The following ALMS1 variants were observed in gnomAD, a reference collection of about 807,000 sequenced individuals.
ALMS1 encodes ALMS1 centrosome and basal body associated protein.
A neutral mutation model predicts 352.2 loss-of-function variants in ALMS1; 271 were observed. That is an observed-to-expected ratio of 0.77 (90% CI 0.70 to 0.85). The LOEUF is 0.85. ALMS1 is among the 40% of genes least tolerant of loss of function. The pLI is 0.00. For synonymous variants in ALMS1, 1,865 were observed against 1,761.2 expected (o/e 1.06, Z -1.48); for missense variants, 5,445 against 4,870.7 (o/e 1.12, Z -3.51).
chr2:73,532,418 TG>T (rs1396744818), intron 11 of ALMS1, among the ~76,000 whole-genome samples: 1 of 152,168 alleles, frequency 6.6e-6, no homozygotes, highest in Non-Finnish European at 1.5e-5. Context: ...TTTATTCTGC[TG>T]TGGCTGAACT....
chr2:73,408,698 A>T lies in ALMS1; in HGVS notation c.401A>T (p.Asn134Ile), dbSNP rs2103675741. 3 of 1,613,680 alleles carry T rather than the reference A, an allele frequency of 1.9e-6. No individual in the cohort carries two copies. The South Asian group carries it at 3.3e-5, about 18-fold the overall frequency. ...GNSRTQISDT[N>I]VVCLETTAQR... ...AGTAGAACACAAATTTCTGATACTA[A>T]TGTGGTCTGTTTGGAAACAACAGCT... Residue 134 changes from asparagine to isoleucine, a missense_variant, in exon 2 of 23, where the codon AAT becomes ATT. Asn to Ile is a moderately radical substitution (Grantham distance 149). Transcript: ENST00000613296.
chr2:73,465,184 A>G (rs1273284678), intron 9 of ALMS1, among the ~76,000 whole-genome samples: 5 of 152,136 alleles, frequency 3.3e-5, no homozygotes, highest in African/African-American at 4.8e-5. Flanking sequence ...CGCCAAGTCA[A>G]TCCTAAGCCA....
chr2:73,396,808 C>G (rs947111558), intron 1 of ALMS1, among the ~76,000 whole-genome samples: 1 of 151,872 alleles, frequency 6.6e-6, no homozygotes, highest in Non-Finnish European at 1.5e-5. Flanking sequence ...CCACGCCTGG[C>G]TAATTTTTTG....
At chr2:73,500,157 A>G (rs1673190681) in intron 10 of ALMS1, among the ~76,000 whole-genome samples, 1 of 152,220 alleles carries the variant, frequency 6.6e-6, no homozygotes, top group African/African-American at 2.4e-5. Context: ...ATGACGTGTT[A>G]TGAAATGACA....
At position 73,449,243 on chromosome 2, in the gene ALMS1, A is replaced by G; in HGVS notation, c.2716A>G (p.Ser906Gly). The change falls in exon 8 of 23, where the codon AGT (serine) becomes GGT (glycine). Residue 906 changes from serine (S) to glycine (G), a missense_variant. Physicochemically the swap from Ser to Gly is moderately conservative, Grantham distance 56. Transcript: ENST00000613296. ...GACTGGGATACCCTCAGCACCATCT[A>G]GTTTCTACTCACACAGAGAGAAGCC... ...QKTGIPSAPS[S>G]FYSHREKPII... 1 of 1,614,076 alleles carries G rather than the reference A, an allele frequency of 6.2e-7. No individual in the cohort carries two copies. Among genetic ancestry groups the G allele is most frequent in the Non-Finnish European group, 8.5e-7 (1 of 1,179,988 alleles).
At chr2:73,411,942 T>C (rs1004396921) in intron 2 of ALMS1, among the ~76,000 whole-genome samples, 8 of 152,214 alleles carry the variant, frequency 5.3e-5, no homozygotes, top group Non-Finnish European at 1.2e-4. Context: ...TACAAATGTC[T>C]CGTCCTCTCT....
intron 13 of ALMS1, among the ~76,000 whole-genome samples, chr2:73,556,997 C>A (rs866955215): frequency 6.6e-6 from 1 of 152,098 alleles, no homozygotes; most frequent in African/African-American, 2.4e-5. Flanking sequence ...CCACCCCGCC[C>A]GGCTTTAGAA....
At chr2:73,468,045 C>A (rs932598897) in intron 9 of ALMS1, among the ~76,000 whole-genome samples, 2 of 151,936 alleles carry the variant, frequency 1.3e-5, no homozygotes, top group Non-Finnish European at 2.9e-5. Flanking sequence ...AAATAAACTA[C>A]CTGACTTCAG....
intron 3 of ALMS1, among the ~76,000 whole-genome samples, chr2:73,420,344 A>G (rs1455394903): frequency 6.6e-6 from 1 of 152,180 alleles, no homozygotes; most frequent in Non-Finnish European, 1.5e-5. Context: ...ACTATAGCTT[A>G]CAGGCCAAGT....
chr2:73,430,352 A>C (rs1671475526), intron 6 of ALMS1, among the ~76,000 whole-genome samples: 1 of 152,236 alleles, frequency 6.6e-6, no homozygotes, highest in South Asian at 2.1e-4. Flanking sequence ...CTGGGATTAC[A>C]GGCGTGAACC....
At chr2:73,577,464 A>T (rs1675078114) in intron 16 of ALMS1, among the ~76,000 whole-genome samples, 1 of 150,300 alleles carries the variant, frequency 6.7e-6, no homozygotes, top group Non-Finnish European at 1.5e-5. Context: ...CTTTGGATTT[A>T]GTATGTTTTT....
At chr2:73,466,620 A>G (rs2103830526) in intron 9 of ALMS1, among the ~76,000 whole-genome samples, 1 of 152,270 alleles carries the variant, frequency 6.6e-6, no homozygotes, top group African/African-American at 2.4e-5. Context: ...GTGCACATGT[A>G]CCCTAAAACT....
At position 73,491,461 on chromosome 2, in the gene ALMS1, C is replaced by T; in HGVS notation, c.9502C>T (p.His3168Tyr). The T allele has an allele frequency of 1.2e-6, 2 of 1,614,100 alleles. No individual in the cohort carries two copies. Among genetic ancestry groups the T allele is most frequent in the Non-Finnish European group, 1.7e-6 (2 of 1,180,008 alleles). The change falls in exon 10 of 23, where the codon CAT becomes TAT. Residue 3168 changes from histidine (H) to tyrosine (Y), a missense_variant. Transcript: ENST00000613296. ...AGTGAACATTTCAGATTTCGAAGGA[C>T]ATTCCAATCCAGAGGGGACCCCAGT... ...IQVNISDFEG[H>Y]SNPEGTPVFA...
chr2:73,572,908 G>A lies in ALMS1; in HGVS notation c.11031G>A (p.Lys3677=), dbSNP rs1674970121. ...AGAGAAATAAGCTTCAGAAAAAGAA[G>A]CGGTTTAAAAGCCTAGAGAAAAGCC... is the stretch of plus-strand genomic sequence containing the variant. ...QQQRNKLQKK[K]RFKSLEKSHK... Residue 3677 remains lysine (K), a synonymous_variant, in exon 16 of 23, where the codon AAG becomes AAA. Coordinates refer to ENST00000613296, the MANE Select transcript of ALMS1 (RefSeq NM_001378454.1). 6.2e-7 allele frequency: 1 copy of A among 1,613,970 alleles called. No homozygotes were observed. The highest frequency in any genetic ancestry group is 8.5e-7 in the Non-Finnish European group (1 of 1,180,012).
At chr2:73,569,487 T>C (rs182029973) in intron 15 of ALMS1, among the ~76,000 whole-genome samples, 7 of 152,272 alleles carry the variant, frequency 4.6e-5, no homozygotes. Context: ...GCCTTCAAAT[T>C]TTTGCTTTAT....
At chr2:73,566,800 G>C (rs1362714461) in intron 15 of ALMS1, among the ~76,000 whole-genome samples, 2 of 152,194 alleles carry the variant, frequency 1.3e-5, no homozygotes. Context: ...CTCCAAATTG[G>C]GGTGGTGGGG....
intron 9 of ALMS1, among the ~76,000 whole-genome samples, chr2:73,460,368 A>C (rs1230977333): frequency 6.6e-6 from 1 of 152,224 alleles, no homozygotes; most frequent in African/African-American, 2.4e-5. Flanking sequence ...CTAGAATTGC[A>C]TGTCAGTGAA....
chr2:73,493,441 G>A (rs999663602), intron 10 of ALMS1, among the ~76,000 whole-genome samples: 4 of 150,114 alleles, frequency 2.7e-5, no homozygotes, highest in Non-Finnish European at 3.0e-5. Flanking sequence ...ATTTATAAAG[G>A]GCTGGGTGCG....
chr2:73,448,118 G>A lies in ALMS1; in HGVS notation c.1591G>A (p.Gly531Ser). 1 of 1,613,764 alleles carries A rather than the reference G, an allele frequency of 6.2e-7. No individual in the cohort carries two copies. The highest frequency in any genetic ancestry group is 8.5e-7 in the Non-Finnish European group (1 of 1,179,818). The part of the protein sequence containing the change: ...AVSSPLETTT[G>S]QHTDTLNQKT... ...AAGTTCTCCTCTAGAAACTACTACTGGTCAACACACTGATACTCTCAACCA... is the reference window on the plus strand; with the variant it reads ...AAGTTCTCCTCTAGAAACTACTACTAGTCAACACACTGATACTCTCAACCA... Residue 531 changes from glycine to serine, a missense_variant, in exon 8 of 23, where the codon GGT becomes AGT. Transcript: ENST00000613296.
Sources: gnomAD v4.1 joint callset for allele counts (sites outside exome capture counted in the v4.1 genomes callset) on GRCh38, gnomAD v4.1.1 for gene constraint, MANE v1.5 for transcripts, NCBI Gene and HGNC (gene_info 2026-07-23, HGNC 2026-07-21) for gene names.